Variants in PPIG observed in about 807,000 individuals in gnomAD.
PPIG encodes peptidyl-prolyl cis-trans isomerase G.
A neutral mutation model predicts 87.9 loss-of-function variants in PPIG; 26 were observed. The observed-to-expected ratio is 0.30, with a 90% CI of 0.22 to 0.41. PPIG has a LOEUF of 0.41. PPIG is among the 10% of genes least tolerant of loss of function. PPIG has a pLI of 1.00. For synonymous variants in PPIG, 308 were observed against 276.5 expected, an observed-to-expected ratio of 1.11 and a Z score of -1.13; for missense variants, 722 against 879.4, an observed-to-expected ratio of 0.82 and a Z score of 2.26.
At chr2:169,631,509 T>C (rs1156926582) in intron 10 of PPIG, 1 of 1,109,808 alleles carries the variant, frequency 9.0e-7, no homozygotes, top group African/African-American at 1.6e-5. Flanking sequence ...GCTCACATAG[T>C]TTCATATTTT....
chr2:169,607,874 A>G (rs1685376902), intron 6 of PPIG, among the ~76,000 whole-genome samples: 2 of 152,054 alleles, frequency 1.3e-5, no homozygotes, highest in South Asian at 4.1e-4. Context: ...CTTTTTTTTA[A>G]GAGATGGGAT....
chr2:169,584,398 G>A lies in PPIG; in HGVS notation c.-162G>A, dbSNP rs1420162416. 2.1e-6 allele frequency: 1 copy of A among 471,132 alleles called. No homozygotes were observed. The highest frequency in any genetic ancestry group is 4.4e-6 in the Non-Finnish European group (1 of 227,046). The allele number at this position is 471,132 out of a possible 1,614,324, so 29.2% of individuals were successfully genotyped here. A position where few individuals can be genotyped will look rare whatever the true frequency, so the allele number is the denominator to read the frequency against. On this transcript the variant is annotated 5_prime_UTR_variant, in exon 1 of 14. Transcript: ENST00000260970. Reference sequence around the variant, plus strand: ...GGACTGAGTTGTGGGGGAGGGAGGCGGTTAGCGGGCTTTAGCGCCTTTTCT... The same window carrying A: ...GGACTGAGTTGTGGGGGAGGGAGGCAGTTAGCGGGCTTTAGCGCCTTTTCT...
chr2:169,621,407 T>G (rs933185342), intron 9 of PPIG, among the ~76,000 whole-genome samples: 1 of 152,282 alleles, frequency 6.6e-6, no homozygotes, highest in African/African-American at 2.4e-5. Context: ...AGATGTATGC[T>G]TCAGCTCATG....
At chr2:169,630,622 T>C in intron 9 of PPIG, 152 bp from the exon 10 acceptor site, 1 of 645,664 alleles carries the variant, frequency 1.5e-6, no homozygotes, top group East Asian at 2.9e-5. Flanking sequence ...TAATCCTGAG[T>C]CTTGACTCCT....
intron 7 of PPIG, among the ~76,000 whole-genome samples, chr2:169,612,610 C>T (rs904929792): frequency 4.6e-5 from 7 of 152,014 alleles, no homozygotes; most frequent in Non-Finnish European, 8.8e-5. Flanking sequence ...TCTCGATCTC[C>T]TGACCCCATG....
chr2:169,632,701 C>A (rs918619189), intron 11 of PPIG, among the ~76,000 whole-genome samples: 1 of 151,850 alleles, frequency 6.6e-6, no homozygotes, highest in Admixed American at 6.6e-5. Context: ...GCCGAGATCA[C>A]GGCACTGCAC....
rs867147669 is a variant in PPIG at position 169,637,269 on chromosome 2, C to G, written c.2011C>G (p.His671Asp). 1.2e-6 allele frequency: 2 copies of G among 1,609,836 alleles called. No homozygotes were observed. Among genetic ancestry groups the G allele is most frequent in the African/African-American group, 2.7e-5 (2 of 74,408 alleles). Residue 671 changes from histidine (H) to aspartate (D), a missense_variant, in exon 14 of 14, where the codon CAT (histidine) becomes GAT (aspartate). Physicochemically the swap from His to Asp is moderately conservative, Grantham distance 81 (BLOSUM62 -1). This residue lies in a region of PPIG where 476 missense variants were observed against 483.1 expected (regional missense o/e 0.99). Coordinates refer to ENST00000260970, the MANE Select transcript of PPIG (RefSeq NM_004792.3). ...EKRMYSKSRD[H>D]NSSNNSREKK... ...AAGAATGTACTCTAAAAGTCGTGAT[C>G]ATAATAGCTCAAATAACAGCAGGGA...
chr2:169,596,579 C>T (rs1367905391), intron 1 of PPIG, among the ~76,000 whole-genome samples: 1 of 152,186 alleles, frequency 6.6e-6, no homozygotes, highest in Non-Finnish European at 1.5e-5. Context: ...GCCTGAAGGG[C>T]CTCACTCCCC....
chr2:169,586,228 G>A (rs1408182091), intron 1 of PPIG, among the ~76,000 whole-genome samples: 1 of 152,130 alleles, frequency 6.6e-6, no homozygotes, highest in Non-Finnish European at 1.5e-5. Context: ...AGGATTCTGC[G>A]CATTTGAATT....
At chr2:169,619,939 C>A (rs562695398) in intron 9 of PPIG, among the ~76,000 whole-genome samples, 2 of 152,058 alleles carry the variant, frequency 1.3e-5, no homozygotes, top group East Asian at 3.9e-4. Context: ...TGTTTTCTTG[C>A]TGATGAGTTG....
chr2:169,602,319 C>G (rs1256595655), intron 1 of PPIG, among the ~76,000 whole-genome samples: 1 of 151,796 alleles, frequency 6.6e-6, no homozygotes, highest in East Asian at 1.9e-4. Flanking sequence ...TAAAATTAGC[C>G]TGGTTTTTGT....
At chr2:169,630,660 G>T (rs141801111) in intron 9 of PPIG, 114 bp from the exon 10 acceptor site, 22,888 of 863,572 alleles carry the variant, frequency 0.027, 405 homozygotes, top group Middle Eastern at 0.061. Flanking sequence ...TCACATAGCT[G>T]GATGATCTAA....
Position 169,631,851 on chromosome 2 carries a change from A to G in PPIG, c.847A>G (p.Asn283Asp), listed in dbSNP as rs1686062190. The G allele has an allele frequency of 1.9e-6, 3 of 1,613,658 alleles. No homozygotes were observed. The highest frequency in any genetic ancestry group is 2.5e-6 in the Non-Finnish European group (3 of 1,179,652). ...RPEEIPPIPENRFLMRKSPPK... is the reference protein window; with the variant it reads ...RPEEIPPIPEDRFLMRKSPPK... ...AGAAGAGATCCCTCCTATACCTGAAAATAGATTCCTAATGAGAAAAAGTCC... is the reference window on the plus strand; with the variant it reads ...AGAAGAGATCCCTCCTATACCTGAAGATAGATTCCTAATGAGAAAAAGTCC... Residue 283 changes from asparagine (N) to aspartate (D), a missense_variant, in exon 11 of 14, where the codon AAT becomes GAT. Transcript: ENST00000260970.
At chr2:169,584,715 C>T (rs1175377302) in intron 1 of PPIG, 3 of 319,380 alleles carry the variant, frequency 9.4e-6, no homozygotes, top group African/African-American at 4.6e-5. Flanking sequence ...TGCAGTCGAG[C>T]CCCGGGGCCT....
At chr2:169,587,115 T>C (rs547329889) in intron 1 of PPIG, among the ~76,000 whole-genome samples, 5 of 152,114 alleles carry the variant, frequency 3.3e-5, no homozygotes, top group African/African-American at 1.2e-4. Context: ...ATATTTTTAG[T>C]AGAGAAGGGG....
intron 9 of PPIG, among the ~76,000 whole-genome samples, 184 bp downstream of exon 9, chr2:169,614,908 G>A (rs183565469): frequency 2.2e-4 from 33 of 152,190 alleles, no homozygotes; most frequent in Admixed American, 2.0e-3. Flanking sequence ...TACTTACTGT[G>A]AACAATATGA....
At chr2:169,624,779 A>G (rs1293196781) in intron 9 of PPIG, among the ~76,000 whole-genome samples, 1 of 151,994 alleles carries the variant, frequency 6.6e-6, no homozygotes, top group African/African-American at 2.4e-5. Flanking sequence ...TTTAGTAGAG[A>G]TGGGGTTTCA....
At chr2:169,600,078 A>G (rs1281167991) in intron 1 of PPIG, among the ~76,000 whole-genome samples, 1 of 142,266 alleles carries the variant, frequency 7.0e-6, no homozygotes, top group African/African-American at 2.6e-5. Flanking sequence ...GGAAAAAAAA[A>G]TTTTTTTTTT....
chr2:169,595,616 A>G (rs190320921), intron 1 of PPIG, among the ~76,000 whole-genome samples: 41 of 152,230 alleles, frequency 2.7e-4, no homozygotes, highest in Non-Finnish European at 4.9e-4. Context: ...CAAGAGTTCA[A>G]TTGTTTAAAT....
Sources: gnomAD v4.1 joint callset for allele counts (sites outside exome capture counted in the v4.1 genomes callset) on GRCh38, gnomAD v4.1.1 for gene constraint, gnomAD v4.1.1 regional missense constraint, MANE v1.5 for transcripts, NCBI Gene and HGNC (gene_info 2026-07-23, HGNC 2026-07-21) for gene names.